MOV10L1: variants seen among roughly 807,000 people sequenced by gnomAD.
The protein encoded by MOV10L1 is RNA helicase Mov10l1.
In MOV10L1, 110 loss-of-function variants were observed where a neutral mutation model predicts 143.8. The observed-to-expected ratio is 0.76, with a 90% CI of 0.66 to 0.90. The LOEUF (loss-of-function observed/expected upper bound fraction) is 0.90, where lower values mean the gene tolerates loss of function less well. MOV10L1 is among the 40% of genes least tolerant of loss of function. The probability of loss-of-function intolerance (pLI) is 0.00; values close to 1 mark genes in which losing one functional copy is unlikely to be tolerated. For missense variants in MOV10L1, 1,406 were observed against 1,526.8 expected (o/e 0.92, Z 1.32); for synonymous variants, 593 against 581.1 (o/e 1.02, Z -0.29).
chr22:50,092,325 T>C, intron 2 of MOV10L1, 140 bp downstream of exon 2: 1 of 753,382 alleles, frequency 1.3e-6, no homozygotes, highest in East Asian at 2.7e-5. Flanking sequence ...CTTTTGCTCT[T>C]TATGATTTAT....
In MOV10L1 at chr22:50,152,282, CA is replaced by C. The variant is rs2063321246; in HGVS notation, c.2893-762del. ...CAGGAGGGCAGAGGGTGCAGCATTG[CA>C]TAGAGAGGACGGCTCCCCGCGGCAC... is the stretch of plus-strand genomic sequence containing the variant. On this transcript the variant is annotated intron_variant, in intron 21 of 26. Transcript: ENST00000262794. The surrounding 1 kb of genome is among the most constrained non-coding windows in gnomAD (Gnocchi z 4.4). Among the ~76,000 whole-genome samples the C allele has an allele frequency of 6.6e-6, 1 of 152,232 alleles. No individual in the cohort carries two copies. Among genetic ancestry groups the C allele is most frequent in the African/African-American group, 2.4e-5 (1 of 41,468 alleles).
At chr22:50,149,051 G>A (rs1260430311) in intron 19 of MOV10L1, among the ~76,000 whole-genome samples, 1 of 152,246 alleles carries the variant, frequency 6.6e-6, no homozygotes, top group East Asian at 1.9e-4. Flanking sequence ...GTGCCCAGCT[G>A]AGAGTGGCTC....
intron 8 of MOV10L1, among the ~76,000 whole-genome samples, chr22:50,116,058 G>A (rs1033813135): frequency 6.6e-6 from 1 of 152,318 alleles, no homozygotes; most frequent in Middle Eastern, 3.4e-3. Context: ...CCGACAGTGC[G>A]TGATAGCCTT....
intron 12 of MOV10L1, 69 bp from the exon 13 acceptor site, chr22:50,128,347 T>C: frequency 1.1e-6 from 1 of 885,176 alleles, no homozygotes; most frequent in Non-Finnish European, 1.8e-6. Context: ...GAATTTTTGA[T>C]GATGTGTCGC....
At chr22:50,130,583 G>A (rs1416198766) in intron 13 of MOV10L1, among the ~76,000 whole-genome samples, 2 of 145,954 alleles carry the variant, frequency 1.4e-5, no homozygotes, top group Non-Finnish European at 3.0e-5. Flanking sequence ...CAGGAGGGGG[G>A]TACTTTTTGT....
At chr22:50,104,016 C>G (rs549654167) in intron 3 of MOV10L1, among the ~76,000 whole-genome samples, 1 of 152,212 alleles carries the variant, frequency 6.6e-6, no homozygotes, top group Non-Finnish European at 1.5e-5. Flanking sequence ...CTTGTTTTCC[C>G]AGAACTAGAT....
intron 19 of MOV10L1, among the ~76,000 whole-genome samples, chr22:50,146,676 A>C (rs1446609921): frequency 6.6e-6 from 1 of 151,054 alleles, no homozygotes; most frequent in Admixed American, 6.6e-5. Flanking sequence ...GAGACAGGTC[A>C]CCCTGGACAG....
At chr22:50,122,093 T>A (rs2062363067) in intron 10 of MOV10L1, among the ~76,000 whole-genome samples, 1 of 152,122 alleles carries the variant, frequency 6.6e-6, no homozygotes, top group Non-Finnish European at 1.5e-5. Flanking sequence ...ACCCGGCCTG[T>A]CATTGGAATT....
chr22:50,133,917 G>A lies in MOV10L1; in HGVS notation c.1911-90G>A. On this transcript the variant is annotated intron_variant, in intron 13 of 26. Transcript: ENST00000262794. ...TGTGATTTTTTTATATTGACTTAAA[G>A]ATTGTATCATAAAATTTTCATTACC... 2.9e-6 allele frequency: 3 copies of A among 1,048,136 alleles called. No individual in the cohort carries two copies. The Admixed American group carries it at 7.4e-5, about 26-fold the overall frequency. 64.9% of individuals were successfully genotyped at this position (1,048,136 alleles called of 1,614,324 possible).
intron 4 of MOV10L1, 21 bp from the exon 5 acceptor site, chr22:50,108,636 C>T (rs766839081): frequency 1.1e-5 from 17 of 1,612,224 alleles, no homozygotes; most frequent in African/African-American, 2.7e-5. Context: ...CTTCCTGTGA[C>T]GCTCAGCTCT....
chr22:50,144,970 T>G (rs565261352), intron 18 of MOV10L1, among the ~76,000 whole-genome samples: 1 of 151,862 alleles, frequency 6.6e-6, no homozygotes, highest in South Asian at 2.1e-4. Context: ...AGACAGAGTT[T>G]TTGCTCTTGT....
chr22:50,120,559 T>C lies in MOV10L1; in HGVS notation c.1512T>C (p.Leu504=). Residue 504 remains leucine, a synonymous_variant, in exon 10 of 27, where the codon CTT becomes CTC. Transcript: ENST00000262794. ...FLPQYPIPDR[L]RKCVEQKIDI... The stretch of plus-strand genomic sequence containing the variant: ...CCCAATATCCAATCCCAGATAGACT[T>C]AGAAAATGTGTGGAACAAAAAATTG... The C allele has an allele frequency of 6.2e-7, 1 of 1,613,890 alleles. No homozygotes were observed. The highest frequency in any genetic ancestry group is 8.5e-7 in the Non-Finnish European group (1 of 1,179,872).
chr22:50,098,895 TC>T lies in MOV10L1; in HGVS notation c.283-547del, dbSNP rs533045406. Among the ~76,000 whole-genome samples, 5 of 152,344 alleles carry T rather than the reference TC, an allele frequency of 3.3e-5. No individual in the cohort carries two copies. The South Asian group carries it at 1.0e-3, about 32-fold the overall frequency. On this transcript the variant is annotated intron_variant, in intron 2 of 26. Transcript: ENST00000262794. ...TGCATCATAAAAAGTGTTGATTTTG[TC>T]AAATGCTTTTTGTGCATCAGTTGAG...
chr22:50,125,293 G>C, intron 10 of MOV10L1, 99 bp from the exon 11 acceptor site: 1 of 1,250,414 alleles, frequency 8.0e-7, no homozygotes, highest in East Asian at 2.4e-5. Flanking sequence ...GGGGCCATCT[G>C]CTGAACTGGA....
intron 15 of MOV10L1, among the ~76,000 whole-genome samples, chr22:50,140,538 A>G (rs550039759): frequency 6.6e-6 from 1 of 152,204 alleles, no homozygotes; most frequent in South Asian, 2.1e-4. Context: ...ATTCACTAAC[A>G]CTAATGATAG....
rs769484622 is a variant in MOV10L1, at chr22:50,153,238, C to T, written c.3066+20C>T. The T allele has an allele frequency of 1.8e-5, 29 of 1,601,394 alleles. No homozygotes were observed. The Middle Eastern group carries it at 5.0e-4, about 27-fold the overall frequency. ...GTGCGGGTGAGTTGTGTCTTGAATC[C>T]GTAGGTGACCGTGTCGGGTAAGGAC... On this transcript the variant is annotated intron_variant, in intron 22 of 26. Coordinates refer to ENST00000262794, the MANE Select transcript of MOV10L1 (RefSeq NM_018995.3).
intron 15 of MOV10L1, 26 bp downstream of exon 15, chr22:50,134,656 C>T: frequency 6.2e-7 from 1 of 1,600,552 alleles, no homozygotes; most frequent in Non-Finnish European, 8.6e-7. Context: ...GTGGCTTTCT[C>T]TACACAGGGG....
Position 50,161,025 on chromosome 22 carries a change from AT to A in MOV10L1, c.3527del (p.Leu1176TyrfsTer110), listed in dbSNP as rs990966477. 6.2e-7 allele frequency: 1 copy of A among 1,613,988 alleles called. No individual in the cohort carries two copies. The highest frequency in any genetic ancestry group is 1.3e-5 in the African/African-American group (1 of 74,882). ...SITNGVYMGC[D>X]LPPALQSLQN... ...ACAAACGGTGTTTACATGGGATGCG[AT>A]TTACCTCCTGCACTGCAGTCTCTGC... is the stretch of plus-strand genomic sequence containing the variant. On this transcript the variant is annotated frameshift_variant, in exon 26 of 27. Transcript: ENST00000262794. LOFTEE classifies it low-confidence loss of function (END_TRUNC).
chr22:50,143,720 A>G (rs1376616867), intron 17 of MOV10L1, among the ~76,000 whole-genome samples: 3 of 152,226 alleles, frequency 2.0e-5, no homozygotes, highest in Non-Finnish European at 4.4e-5. Context: ...TCATAAAGTC[A>G]AAAAAGCGTT....
Sources: allele counts gnomAD v4.1 joint callset (sites outside exome capture counted in the v4.1 genomes callset), GRCh38; gene constraint gnomAD v4.1.1; non-coding constraint Gnocchi (gnomAD v3.1); transcripts MANE v1.5; gene names NCBI Gene and HGNC (gene_info 2026-07-23, HGNC 2026-07-21).